MYH11: variants seen among roughly 807,000 people sequenced by gnomAD.
MYH11 encodes the protein myosin-11.
In MYH11, 80 loss-of-function variants were observed where a neutral mutation model predicts 246.6. The observed-to-expected ratio is 0.32, with a 90% CI of 0.27 to 0.39. MYH11 has a LOEUF of 0.39. MYH11 is among the 10% of genes least tolerant of loss of function. MYH11 has a pLI of 1.00. For missense variants in MYH11, 2,158 were observed against 2,546.8 expected, an observed-to-expected ratio of 0.85 and a Z score of 3.29; for synonymous variants, 1,071 against 1,015.5, an observed-to-expected ratio of 1.05 and a Z score of -1.04.
At chr16:15,804,374 T>C (rs2042960945) in intron 3 of MYH11, among the ~76,000 whole-genome samples, 1 of 151,938 alleles carries the variant, frequency 6.6e-6, no homozygotes, top group Admixed American at 6.6e-5. Flanking sequence ...ATACAAAAAT[T>C]AGCTGGGCGC....
At chr16:15,745,351 C>T (rs1357686126) in intron 19 of MYH11, 114 bp from the exon 20 acceptor site, 38 of 706,410 alleles carry the variant, frequency 5.4e-5, no homozygotes, top group Non-Finnish European at 8.8e-5. Context: ...ATCTCCCCAA[C>T]TCAGGTTCTT....
intron 28 of MYH11, chr16:15,725,698 T>G (rs2040720150): frequency 2.5e-6 from 1 of 398,924 alleles, no homozygotes; most frequent in Non-Finnish European, 4.4e-6. Context: ...AATTCTTCCC[T>G]CGCCCCTTGG....
At chr16:15,814,341 T>TCGGG (rs1168276301) in intron 3 of MYH11, among the ~76,000 whole-genome samples, 1 of 151,438 alleles carries the variant, frequency 6.6e-6, no homozygotes, top group African/African-American at 2.4e-5. Context: ...TCACCTAAGG[T>TCGGG]CGGGAGTTCA....
chr16:15,806,930 G>C (rs1386064844), intron 3 of MYH11, among the ~76,000 whole-genome samples: 2 of 151,776 alleles, frequency 1.3e-5, no homozygotes, highest in Non-Finnish European at 2.9e-5. Flanking sequence ...GCCAGGTACC[G>C]AAAGCACAAA....
chr16:15,802,940 C>T (rs2042921071), intron 3 of MYH11, among the ~76,000 whole-genome samples: 1 of 152,016 alleles, frequency 6.6e-6, no homozygotes, highest in Non-Finnish European at 1.5e-5. Flanking sequence ...AGTTCGAGAC[C>T]AGCCTGGGCA....
intron 9 of MYH11, among the ~76,000 whole-genome samples, chr16:15,766,451 C>A (rs2041986486): frequency 6.6e-6 from 1 of 151,710 alleles, no homozygotes. Context: ...TCACTGCAAC[C>A]TCTGCGCTTC....
At chr16:15,824,689 C>T (rs2151362044) in intron 2 of MYH11, among the ~76,000 whole-genome samples, 1 of 152,324 alleles carries the variant, frequency 6.6e-6, no homozygotes, top group African/African-American at 2.4e-5. Context: ...GCTGCCAAAA[C>T]TGTGGTCCAG....
rs138092849 is a variant in MYH11, at chr16:15,778,963, C to A, written c.727-120G>T. 1.3e-4 allele frequency: 128 copies of A among 964,408 alleles called. No homozygotes were observed. In the African/African-American group the frequency reaches 1.9e-3, roughly 14 times the overall value. The allele number at this position is 964,408 out of a possible 1,614,324, so 59.7% of individuals were successfully genotyped here. A position where few individuals can be genotyped will look rare whatever the true frequency, so the allele number is the denominator to read the frequency against. On this transcript the variant is annotated intron_variant, in intron 6 of 40. Coordinates refer to ENST00000300036, the MANE Select transcript of MYH11 (RefSeq NM_002474.3). ...GGGAGGTGGGGCGGGGAGATTCTTGCGAACACTCAGAACCCCACAGGTCAA... is the reference window on the plus strand; with the variant it reads ...GGGAGGTGGGGCGGGGAGATTCTTGAGAACACTCAGAACCCCACAGGTCAA...
At chr16:15,841,755 C>T (rs215579) in intron 1 of MYH11, among the ~76,000 whole-genome samples, 85,282 of 152,098 alleles carry the variant, frequency 0.56, 26,028 homozygotes, top group Non-Finnish European at 0.68. Context: ...TGGCTTACAG[C>T]CCCTTCTACC....
intron 34 of MYH11, 50 bp downstream of exon 34, chr16:15,720,101 G>T (rs2040386116): frequency 6.2e-7 from 1 of 1,613,116 alleles, no homozygotes. Context: ...TGGCCTGAGG[G>T]GAACTGTGCC....
chr16:15,814,185 G>A (rs1309343333), intron 3 of MYH11, among the ~76,000 whole-genome samples: 1 of 151,722 alleles, frequency 6.6e-6, no homozygotes, highest in African/African-American at 2.4e-5. Flanking sequence ...ACATGAGGCA[G>A]TTTAAAAAGA....
At chr16:15,776,214 G>C in intron 7 of MYH11, 38 bp from the exon 8 acceptor site, 1 of 1,412,264 alleles carries the variant, frequency 7.1e-7, no homozygotes, top group Admixed American at 1.7e-5. Context: ...GGGATACTGC[G>C]GGTGTTCCTC....
At chr16:15,822,674 C>A (rs1041991326) in intron 3 of MYH11, among the ~76,000 whole-genome samples, 1 of 152,160 alleles carries the variant, frequency 6.6e-6, no homozygotes, top group African/African-American at 2.4e-5. Context: ...GAGATGGCAC[C>A]ACTGCACTTC....
chr16:15,762,402 T>C (rs933649640), intron 10 of MYH11, among the ~76,000 whole-genome samples: 6 of 152,230 alleles, frequency 3.9e-5, no homozygotes, highest in Admixed American at 6.5e-5. Context: ...TTAGGAGTCC[T>C]GTAACTGGAG....
intron 2 of MYH11, among the ~76,000 whole-genome samples, chr16:15,830,238 T>C (rs1040854705): frequency 6.6e-6 from 1 of 152,156 alleles, no homozygotes; most frequent in East Asian, 1.9e-4. Flanking sequence ...AGTAAAGTGA[T>C]GGATAATCAC....
intron 3 of MYH11, among the ~76,000 whole-genome samples, chr16:15,815,228 A>G (rs1264627133): frequency 2.6e-5 from 4 of 152,222 alleles, no homozygotes; most frequent in African/African-American, 9.6e-5. Context: ...ATCCCAAGAC[A>G]TCTGAAGAAA....
At chr16:15,756,261 G>A (rs925501096) in intron 14 of MYH11, 80 bp downstream of exon 14, 18 of 1,510,286 alleles carry the variant, frequency 1.2e-5, no homozygotes, top group South Asian at 1.0e-4. Flanking sequence ...CCAAGGTTCT[G>A]CCACTCTCAG....
In MYH11 at chr16:15,814,648, C is replaced by T. The variant is rs147506863; in HGVS notation, c.502+8607G>A. Reference sequence around the variant, plus strand: ...GTGGGAAACGACCTAATTTCAACACCGAATTCCCCATTTCTGCCCCAAACC... The same window carrying T: ...GTGGGAAACGACCTAATTTCAACACTGAATTCCCCATTTCTGCCCCAAACC... On this transcript the variant is annotated intron_variant, in intron 3 of 40. Coordinates refer to ENST00000300036, the MANE Select transcript of MYH11 (RefSeq NM_002474.3). Among the ~76,000 whole-genome samples, 3 of 149,748 alleles carry T rather than the reference C, an allele frequency of 2.0e-5. No homozygotes were observed. In the East Asian group the frequency reaches 5.9e-4, roughly 29 times the overall value.
In MYH11 at chr16:15,741,587, C is replaced by T. The variant is rs768392407; in HGVS notation, c.2735G>A (p.Arg912Gln). The T allele has an allele frequency of 8.1e-6, 13 of 1,612,556 alleles. No homozygotes were observed. Among genetic ancestry groups the T allele is most frequent in the East Asian group, 2.2e-5 (1 of 44,886 alleles). ...CAGCTCCTGCTTCTTGGCCGCCAGC[C>T]GCACCCGCATCTCCTCAGCCTCTGC... ...LYAEAEEMRV[R>Q]LAAKKQELEE... Residue 912 changes from arginine (R) to glutamine (Q), a missense_variant, in exon 22 of 41, where the codon CGG becomes CAG. Physicochemically the swap from Arg to Gln is conservative, Grantham distance 43 (BLOSUM62 1). This residue lies in a region of MYH11 where 284 missense variants were observed against 315.4 expected (regional missense o/e 0.90). Transcript: ENST00000300036.
Sources: allele counts gnomAD v4.1 joint callset (sites outside exome capture counted in the v4.1 genomes callset), GRCh38; gene constraint gnomAD v4.1.1; regional missense constraint gnomAD v4.1.1; transcripts MANE v1.5; gene names NCBI Gene and HGNC (gene_info 2026-07-23, HGNC 2026-07-21).